The following PXK variants were observed in gnomAD, a reference collection of about 807,000 sequenced individuals.
PXK encodes PX domain containing serine/threonine kinase like.
Under a neutral mutation model 84.7 loss-of-function variants are expected in PXK, and 35 were observed. The ratio of observed to expected loss-of-function variants is 0.41; its 90% CI spans 0.32 to 0.55. The LOEUF (loss-of-function observed/expected upper bound fraction) is 0.55, where lower values mean the gene tolerates loss of function less well. Ranked by LOEUF, PXK falls within the 20% of genes least tolerant of loss-of-function variation. The pLI is 0.21. For synonymous variants in PXK, 253 were observed against 260.8 expected (o/e 0.97, Z 0.29); for missense variants, 634 against 699.7 (o/e 0.91, Z 1.06).
intron 3 of PXK, among the ~76,000 whole-genome samples, chr3:58,378,513 TGTGTGTGTGTGTGTGTG>T (rs2098467001): frequency 7.9e-5 from 2 of 25,254 alleles, no homozygotes; most frequent in African/African-American, 1.6e-4. Context: ...TTTTTTTTTT[TGTGTGTGTGTGTGTGTG>T]TGTGTGTGTG....
intron 1 of PXK, among the ~76,000 whole-genome samples, chr3:58,359,324 GA>G (rs2098140546): frequency 6.6e-6 from 1 of 152,050 alleles, no homozygotes; most frequent in Non-Finnish European, 1.5e-5. Flanking sequence ...GAGGTCAGGA[GA>G]TCGAGACCAT....
intron 2 of PXK, among the ~76,000 whole-genome samples, chr3:58,367,127 G>T (rs1324533483): frequency 6.6e-6 from 1 of 152,194 alleles, no homozygotes. Flanking sequence ...TTCAATGGGT[G>T]GGGTTGTAGG....
chr3:58,341,955 C>G (rs1415838688), intron 1 of PXK, among the ~76,000 whole-genome samples: 4 of 152,110 alleles, frequency 2.6e-5, no homozygotes, highest in Non-Finnish European at 5.9e-5. Flanking sequence ...CTGGCTGCCT[C>G]AGCCTCCCAA....
At chr3:58,353,727 T>C (rs1264460135) in intron 1 of PXK, among the ~76,000 whole-genome samples, 1 of 152,234 alleles carries the variant, frequency 6.6e-6, no homozygotes, top group Non-Finnish European at 1.5e-5. Flanking sequence ...GCTGTTGTGC[T>C]GTGTGACACT....
At chr3:58,404,125 G>A (rs2059029067) in intron 13 of PXK, among the ~76,000 whole-genome samples, 1 of 152,106 alleles carries the variant, frequency 6.6e-6, no homozygotes, top group Non-Finnish European at 1.5e-5. Context: ...GTAGTAATAT[G>A]GAAAATGATT....
At position 58,397,590 on chromosome 3, in the gene PXK, C is replaced by G; in HGVS notation, c.985-15C>G. 1 of 1,601,084 alleles carries G rather than the reference C, an allele frequency of 6.2e-7. No homozygotes were observed. The highest frequency in any genetic ancestry group is 8.6e-7 in the Non-Finnish European group (1 of 1,168,100). Reference sequence around the variant, plus strand: ...AAAGTGAAGGGTGAACACGCTGCTACTCTTTCTTCCACAGACATTGGAAAG... The same window carrying G: ...AAAGTGAAGGGTGAACACGCTGCTAGTCTTTCTTCCACAGACATTGGAAAG... On this transcript the variant is annotated splice_polypyrimidine_tract_variant and intron_variant, in intron 10 of 17. Coordinates refer to ENST00000356151, the MANE Select transcript of PXK (RefSeq NM_017771.5). The surrounding 1 kb of genome is among the most constrained non-coding windows in gnomAD (Gnocchi z 4.7).
In PXK at chr3:58,422,267, C is replaced by T. The variant is rs77521884; in HGVS notation, c.1529-2485C>T. Reference sequence around the variant, plus strand: ...AGTTTCCACCTTCTGACCCCTAGACCTCCTCTCCCCTCCAGAGTGTTCCAA... The same window carrying T: ...AGTTTCCACCTTCTGACCCCTAGACTTCCTCTCCCCTCCAGAGTGTTCCAA... On this transcript the variant is annotated intron_variant, in intron 17 of 17. Coordinates refer to ENST00000356151, the MANE Select transcript of PXK (RefSeq NM_017771.5). The T allele has an allele frequency of 5.6e-4, 547 of 985,366 alleles. 13 individuals are homozygous for T. In the East Asian group the frequency reaches 0.043, roughly 78 times the overall value. 61.0% of individuals were successfully genotyped at this position (985,366 alleles called of 1,614,324 possible).
chr3:58,392,352 G>T (rs56097407), intron 7 of PXK, among the ~76,000 whole-genome samples: 1 of 152,078 alleles, frequency 6.6e-6, no homozygotes, highest in Admixed American at 6.6e-5. Flanking sequence ...AAAGAACCAC[G>T]TTGATATATT....
At chr3:58,359,320 A>G (rs970597255) in intron 1 of PXK, among the ~76,000 whole-genome samples, 3 of 151,946 alleles carry the variant, frequency 2.0e-5, no homozygotes, top group Admixed American at 6.6e-5. Context: ...TCACGAGGTC[A>G]GGAGATCGAG....
At chr3:58,359,449 T>C (rs1319838153) in intron 1 of PXK, among the ~76,000 whole-genome samples, 1 of 150,716 alleles carries the variant, frequency 6.6e-6, no homozygotes, top group East Asian at 2.0e-4. Context: ...GAGAATCGCT[T>C]GAACTAGGGA....
chr3:58,362,879 A>G (rs767895528), intron 1 of PXK, among the ~76,000 whole-genome samples: 4 of 152,094 alleles, frequency 2.6e-5, no homozygotes, highest in Non-Finnish European at 5.9e-5. Context: ...ATGCCCGGCT[A>G]ATTAATTTTT....
chr3:58,411,352 G>C lies in PXK; in HGVS notation c.1465+1193G>C, dbSNP rs1163114395. 6.6e-6 allele frequency among the ~76,000 whole-genome samples: 1 copy of C among 152,216 alleles called. No homozygotes were observed. The highest frequency in any genetic ancestry group is 6.5e-5 in the Admixed American group (1 of 15,280). ...CACATTGACACCACTGCAGAGTCCA[G>C]ACTGGAGAAGGGCTCAGGAAGAGCT... is the stretch of plus-strand genomic sequence containing the variant. On this transcript the variant is annotated intron_variant, in intron 16 of 17. Coordinates refer to ENST00000356151, the MANE Select transcript of PXK (RefSeq NM_017771.5). This position sits in a 1 kb window ranked among gnomAD's most constrained non-coding sequence, Gnocchi z 4.2.
At chr3:58,403,801 A>G in intron 12 of PXK, 61 bp from the exon 13 acceptor site, 3 of 1,153,038 alleles carry the variant, frequency 2.6e-6, no homozygotes, top group Non-Finnish European at 3.7e-6. Flanking sequence ...ATCTGCTTTC[A>G]TCCTAGTCTG....
chr3:58,384,151 T>G (rs2098530731), intron 4 of PXK, among the ~76,000 whole-genome samples: 1 of 152,212 alleles, frequency 6.6e-6, no homozygotes. Context: ...ACCACAGCCC[T>G]TGAGGCTGGT....
intron 1 of PXK, among the ~76,000 whole-genome samples, chr3:58,346,761 G>C (rs192641421): frequency 6.6e-6 from 1 of 150,756 alleles, no homozygotes; most frequent in African/African-American, 2.4e-5. Context: ...GGGCTTAAGC[G>C]GTCCTCCCAC....
In PXK at chr3:58,424,800, C is replaced by G; in HGVS notation, c.1577C>G (p.Ala526Gly). 1 of 1,614,154 alleles carries G rather than the reference C, an allele frequency of 6.2e-7. No individual in the cohort carries two copies. Among genetic ancestry groups the G allele is most frequent in the Non-Finnish European group, 8.5e-7 (1 of 1,180,028 alleles). ...CCTCCACCTCCACCACCACCAGCAG[C>G]TCCCTTGCCTCCTGCGAGCACCGAG... ...PPPPPPPPPA[A>G]PLPPASTEAP... The change falls in exon 18 of 18, where the codon GCT becomes GGT. Residue 526 changes from alanine (A) to glycine (G), a missense_variant. Coordinates refer to ENST00000356151, the MANE Select transcript of PXK (RefSeq NM_017771.5).
chr3:58,367,124 G>C (rs1415174092), intron 2 of PXK, among the ~76,000 whole-genome samples: 2 of 152,140 alleles, frequency 1.3e-5, no homozygotes, highest in Non-Finnish European at 2.9e-5. Flanking sequence ...ATTTTCAATG[G>C]GTGGGGTTGT....
chr3:58,403,897 A>C lies in PXK; in HGVS notation c.1217A>C (p.Lys406Thr). ...FSDVLLTTSE[K>T]PQFKIPTKLK... ...GATGTTTTACTAACCACTTCTGAAA[A>C]ACCACAGTTTAAGGTAAAGACAATT... The change falls in exon 13 of 18, where the codon AAA becomes ACA. Residue 406 changes from lysine to threonine, a missense_variant. By Grantham distance (78) the Lys-to-Thr change is moderately conservative (BLOSUM62 -1). Transcript: ENST00000356151. 1.3e-6 allele frequency: 2 copies of C among 1,541,402 alleles called. No individual in the cohort carries two copies. Among genetic ancestry groups the C allele is most frequent in the Non-Finnish European group, 1.8e-6 (2 of 1,133,200 alleles).
rs957345583 is a variant in PXK at position 58,390,453 on chromosome 3, T to A, written c.389-129T>A. On this transcript the variant is annotated intron_variant, in intron 4 of 17. Coordinates refer to ENST00000356151, the MANE Select transcript of PXK (RefSeq NM_017771.5). The surrounding 1 kb of genome is among the most constrained non-coding windows in gnomAD (Gnocchi z 4.2). ...TGTATTTTCTTTCTTTATTATTATT[T>A]TTTTTTTGGTAATTAAGTTTTTTAA... The A allele has an allele frequency of 8.4e-5, 41 of 489,968 alleles. No individual in the cohort carries two copies. The highest frequency in any genetic ancestry group is 2.9e-4 in the South Asian group (4 of 13,634). The allele number at this position is 489,968 out of a possible 1,614,324, so 30.4% of individuals were successfully genotyped here.
Sources: allele counts gnomAD v4.1 joint callset (sites outside exome capture counted in the v4.1 genomes callset), GRCh38; gene constraint gnomAD v4.1.1; non-coding constraint Gnocchi (gnomAD v3.1); transcripts MANE v1.5; gene names NCBI Gene and HGNC (gene_info 2026-07-23, HGNC 2026-07-21).